Variants in TBC1D32 observed in about 807,000 individuals in gnomAD.
TBC1D32 encodes the protein protein broad-minded.
TBC1D32 carries 151 observed loss-of-function variants against 170.3 expected under a neutral mutation model. The observed-to-expected ratio is 0.89, with a 90% CI of 0.78 to 1.01. The LOEUF (loss-of-function observed/expected upper bound fraction) is 1.01. Ranked by LOEUF, TBC1D32 falls within the 50% of genes least tolerant of loss-of-function variation. The probability of loss-of-function intolerance (pLI) is 0.00; values close to 1 mark genes in which losing one functional copy is unlikely to be tolerated. For synonymous variants in TBC1D32, 498 were observed against 488.0 expected (o/e 1.02, Z -0.27); for missense variants, 1,464 against 1,457.1 (o/e 1.00, Z -0.08).
intron 15 of TBC1D32, among the ~76,000 whole-genome samples, chr6:121,268,332 C>T (rs1409433339): frequency 6.6e-6 from 1 of 152,102 alleles, no homozygotes; most frequent in Admixed American, 6.5e-5. Flanking sequence ...GGAGGATGTT[C>T]AAACCCATTG....
chr6:121,276,492 C>T (rs1407642123), intron 15 of TBC1D32, among the ~76,000 whole-genome samples: 2 of 151,652 alleles, frequency 1.3e-5, no homozygotes, highest in East Asian at 1.9e-4. Flanking sequence ...CAATCAAAGC[C>T]AGATAAGGCA....
chr6:121,122,336 C>G (rs1443310450), intron 26 of TBC1D32, among the ~76,000 whole-genome samples: 2 of 152,010 alleles, frequency 1.3e-5, no homozygotes, highest in Non-Finnish European at 2.9e-5. Context: ...AGCCACAATG[C>G]TCTTATAAAA....
At chr6:121,132,862 G>A (rs543319134) in intron 24 of TBC1D32, among the ~76,000 whole-genome samples, 1 of 151,894 alleles carries the variant, frequency 6.6e-6, no homozygotes, top group South Asian at 2.1e-4. Context: ...GTTAAGTGTT[G>A]TTAAAAAAGA....
At chr6:121,120,683 C>T (rs1003357250) in intron 26 of TBC1D32, among the ~76,000 whole-genome samples, 7 of 152,050 alleles carry the variant, frequency 4.6e-5, no homozygotes, top group South Asian at 2.1e-4. Context: ...GCCTCAATTT[C>T]CTCATTTTAA....
At position 121,174,823 on chromosome 6, in the gene TBC1D32, G is replaced by A. The variant is rs182023056; in HGVS notation, c.2571-13767C>T. Among the ~76,000 whole-genome samples the A allele has an allele frequency of 1.9e-3, 296 of 152,080 alleles. 1 individual carries two copies. Among genetic ancestry groups the A allele is most frequent in the Middle Eastern group, 6.8e-3 (2 of 294 alleles). On this transcript the variant is annotated intron_variant, in intron 22 of 31. Coordinates refer to ENST00000398212, the MANE Select transcript of TBC1D32 (RefSeq NM_152730.6). ...AAGCAGACAGATCACTTGATTCCAC[G>A]AATTCGAGGCCAGCCTGGGCAACAT...
intron 19 of TBC1D32, 125 bp from the exon 20 acceptor site, chr6:121,239,313 T>C (rs374223909): frequency 1.3e-4 from 61 of 474,154 alleles, no homozygotes; most frequent in Admixed American, 3.6e-4. Context: ...TTGCATCTTA[T>C]ATAAAAAATA....
At chr6:121,117,899 A>G (rs1409771104) in intron 26 of TBC1D32, among the ~76,000 whole-genome samples, 1 of 152,142 alleles carries the variant, frequency 6.6e-6, no homozygotes, top group East Asian at 1.9e-4. Flanking sequence ...TCTGGACTAC[A>G]TTAACTTATA....
chr6:121,274,295 T>G (rs918763152), intron 15 of TBC1D32, among the ~76,000 whole-genome samples: 3 of 151,590 alleles, frequency 2.0e-5, no homozygotes, highest in Admixed American at 6.6e-5. Context: ...ATCATGCGAC[T>G]GCACTCCAGC....
intron 31 of TBC1D32, among the ~76,000 whole-genome samples, chr6:121,086,817 A>T (rs1364199294): frequency 6.6e-6 from 1 of 152,188 alleles, no homozygotes; most frequent in East Asian, 1.9e-4. Context: ...ACACTAGGAC[A>T]TCCACATATG....
intron 12 of TBC1D32, among the ~76,000 whole-genome samples, chr6:121,286,311 A>G (rs1477569721): frequency 6.6e-6 from 1 of 152,218 alleles, no homozygotes; most frequent in Non-Finnish European, 1.5e-5. Flanking sequence ...ATGGAGCTGA[A>G]AACCAATGCA....
chr6:121,208,739 A>AAAAAAAAC (rs1206492507), intron 21 of TBC1D32, among the ~76,000 whole-genome samples: 2 of 150,898 alleles, frequency 1.3e-5, no homozygotes, highest in Admixed American at 6.6e-5. Context: ...GAAAAAAAAA[A>AAAAAAAAC]AAAAAAAACA....
chr6:121,176,619 A>G (rs544634094), intron 22 of TBC1D32, among the ~76,000 whole-genome samples: 9 of 151,456 alleles, frequency 5.9e-5, no homozygotes, highest in Middle Eastern at 3.4e-3. Context: ...CACCCCCGAG[A>G]TGGAGTTTCA....
intron 22 of TBC1D32, among the ~76,000 whole-genome samples, chr6:121,175,620 CTTTGA>C (rs1291085318): frequency 4.6e-5 from 7 of 152,230 alleles, no homozygotes; most frequent in Admixed American, 2.0e-4. Flanking sequence ...CTTAAAAGCT[CTTTGA>C]TTTAAGATTC....
At chr6:121,281,862 T>A (rs1043668181) in intron 13 of TBC1D32, among the ~76,000 whole-genome samples, 176 bp from the exon 14 acceptor site, 16 of 151,674 alleles carry the variant, frequency 1.1e-4, no homozygotes, top group African/African-American at 3.9e-4. Context: ...CTTAGGGGAA[T>A]CTCAATTGGC....
intron 20 of TBC1D32, 97 bp from the exon 21 acceptor site, chr6:121,223,449 G>T: frequency 1.3e-6 from 1 of 799,394 alleles, no homozygotes; most frequent in Non-Finnish European, 2.1e-6. Context: ...TGACTTTGAG[G>T]GCTCATTTTT....
At chr6:121,173,238 T>C (rs1448942486) in intron 22 of TBC1D32, among the ~76,000 whole-genome samples, 1 of 152,142 alleles carries the variant, frequency 6.6e-6, no homozygotes, top group Non-Finnish European at 1.5e-5. Flanking sequence ...TGCTGGATGC[T>C]TTTTGGCCTC....
chr6:121,170,409 G>A, intron 22 of TBC1D32: 1 of 1,597,804 alleles, frequency 6.3e-7, no homozygotes, highest in Non-Finnish European at 8.5e-7. Context: ...TTTTACCTGT[G>A]GCTCTCAGAA....
intron 30 of TBC1D32, among the ~76,000 whole-genome samples, chr6:121,104,284 T>A (rs1778461723): frequency 6.6e-6 from 1 of 151,670 alleles, no homozygotes; most frequent in Non-Finnish European, 1.5e-5. Flanking sequence ...AGTCCCAGGA[T>A]CAACTTAATC....
At chr6:121,148,127 C>A (rs2128231712) in intron 24 of TBC1D32, among the ~76,000 whole-genome samples, 1 of 152,020 alleles carries the variant, frequency 6.6e-6, no homozygotes. Flanking sequence ...TAATGCTATC[C>A]CACCCCTTGC....
Sources: gnomAD v4.1 joint callset for allele counts (sites outside exome capture counted in the v4.1 genomes callset) on GRCh38, gnomAD v4.1.1 for gene constraint, MANE v1.5 for transcripts, NCBI Gene and HGNC (gene_info 2026-07-23, HGNC 2026-07-21) for gene names.